The following SVIL variants were observed in gnomAD, a reference collection of about 807,000 sequenced individuals.
SVIL encodes the protein archvillin.
In SVIL, 101 loss-of-function variants were observed where a neutral mutation model predicts 240.4. The observed-to-expected ratio is 0.42, with a 90% CI of 0.36 to 0.50. The LOEUF is 0.50. SVIL is among the 20% of genes least tolerant of loss of function. The pLI, the probability that SVIL is intolerant of heterozygous loss-of-function variation, is 0.01. For synonymous variants in SVIL, 999 were observed against 1,100.0 expected (o/e 0.91, Z 1.82); for missense variants, 2,512 against 2,818.7 (o/e 0.89, Z 2.46).
At chr10:29,731,788 C>T (rs988209413) in intron 1 of SVIL, among the ~76,000 whole-genome samples, 1 of 152,172 alleles carries the variant, frequency 6.6e-6, no homozygotes, top group Non-Finnish European at 1.5e-5. Context: ...TTAACAAAGG[C>T]GCCTGTCTTT....
chr10:29,462,764 T>C (rs192140835), intron 35 of SVIL, among the ~76,000 whole-genome samples: 2 of 152,312 alleles, frequency 1.3e-5, no homozygotes, highest in Admixed American at 1.3e-4. Context: ...TTAACTCCCA[T>C]AATGACTGAC....
rs866394868 is a variant in SVIL at position 29,524,595 on chromosome 10, C to A, written c.2463G>T (p.Leu821Phe). Residue 821 changes from leucine (L) to phenylalanine (F), a missense_variant, in exon 14 of 38, where the codon TTG becomes TTT. This residue lies in a region of SVIL where 1,443 missense variants were observed against 1,486.6 expected (regional missense o/e 0.97). Coordinates refer to ENST00000355867, the MANE Select transcript of SVIL (RefSeq NM_021738.3). Reference protein sequence around the residue: ...STLSLAEKLALFNKLSQPVSK... With the variant: ...STLSLAEKLAFFNKLSQPVSK... ...AGACTGGCTGGGACAATTTGTTAAA[C>A]AAGGCCAACTTTTCGGCCAAGCTTA... 1.9e-6 allele frequency: 3 copies of A among 1,614,042 alleles called. No homozygotes were observed. In the African/African-American group the frequency reaches 4.0e-5, roughly 22 times the overall value.
chr10:29,540,144 T>C (rs1370134134), intron 6 of SVIL, among the ~76,000 whole-genome samples: 1 of 152,184 alleles, frequency 6.6e-6, no homozygotes, highest in Non-Finnish European at 1.5e-5. Context: ...GTAAGGCAGA[T>C]GAGTCATTCC....
chr10:29,531,714 C>T (rs1951380379), intron 9 of SVIL, among the ~76,000 whole-genome samples: 1 of 152,156 alleles, frequency 6.6e-6, no homozygotes, highest in Non-Finnish European at 1.5e-5. Flanking sequence ...TCTAATTTAA[C>T]AAGGGGTAAA....
At chr10:29,505,333 A>C (rs1047957155) in intron 17 of SVIL, among the ~76,000 whole-genome samples, 2 of 151,796 alleles carry the variant, frequency 1.3e-5, no homozygotes, top group Admixed American at 6.6e-5. Context: ...CTCAAAAATA[A>C]TAATAATAAT....
chr10:29,735,546 C>T lies in SVIL; in HGVS notation c.-400+205G>A, dbSNP rs1000963023. ...GACCCCGCGGGCCGAGCGCAGCGCC[C>T]CGTCGCAGCGGCCCGGGCACCCGCC... On this transcript the variant is annotated intron_variant, in intron 1 of 35. Coordinates refer to the SVIL transcript ENST00000375400. This position sits in a 1 kb window ranked among gnomAD's most constrained non-coding sequence, Gnocchi z 4.1. 6.7e-6 allele frequency among the ~76,000 whole-genome samples: 1 copy of T among 150,336 alleles called. No homozygotes were observed. Among genetic ancestry groups the T allele is most frequent in the Non-Finnish European group, 1.5e-5 (1 of 67,312 alleles).
rs565001817 is a variant in SVIL, at chr10:29,674,755, C to T, written c.-301+11798G>A. 2.0e-5 allele frequency among the ~76,000 whole-genome samples: 3 copies of T among 152,252 alleles called. No individual in the cohort carries two copies. The East Asian group carries it at 5.8e-4, about 29-fold the overall frequency. On this transcript the variant is annotated intron_variant, in intron 2 of 35. Coordinates refer to the SVIL transcript ENST00000375400. ...GCTACAAGTCAAGGTGTTGGCAGGG[C>T]CTCATTTCTGCTGGAGGCTCTCAAG...
chr10:29,480,021 A>G (rs1349575627), intron 29 of SVIL, among the ~76,000 whole-genome samples: 3 of 152,086 alleles, frequency 2.0e-5, no homozygotes, highest in Non-Finnish European at 4.4e-5. Flanking sequence ...TGCATTTACT[A>G]CACCAGACCC....
At chr10:29,559,230 G>A (rs2132678869) in intron 3 of SVIL, among the ~76,000 whole-genome samples, 1 of 152,020 alleles carries the variant, frequency 6.6e-6, no homozygotes, top group African/African-American at 2.4e-5. Flanking sequence ...TGTAATATCA[G>A]ACGTACAGAA....
chr10:29,547,384 C>T (rs1019740468), intron 6 of SVIL, among the ~76,000 whole-genome samples: 9 of 151,054 alleles, frequency 6.0e-5, no homozygotes, highest in African/African-American at 2.2e-4. Context: ...GAATTGTATA[C>T]CTTTAATGGC....
chr10:29,476,926 G>A (rs1305777112), intron 29 of SVIL, among the ~76,000 whole-genome samples: 1 of 152,116 alleles, frequency 6.6e-6, no homozygotes, highest in African/African-American at 2.4e-5. Context: ...GCAGTGACAT[G>A]ATCTTGGCTC....
chr10:29,568,435 G>A (rs560094980), intron 2 of SVIL, among the ~76,000 whole-genome samples: 1 of 152,080 alleles, frequency 6.6e-6, no homozygotes, highest in Middle Eastern at 3.4e-3. Context: ...AGGCACAAGA[G>A]CAACTGTGTG....
rs1948298912 is a variant in SVIL, at chr10:29,494,987, T to C, written c.3768A>G (p.Arg1256=). The C allele has an allele frequency of 6.2e-7, 1 of 1,613,674 alleles. No individual in the cohort carries two copies. Among genetic ancestry groups the C allele is most frequent in the African/African-American group, 1.3e-5 (1 of 74,692 alleles). ...VSKPLEDIEA[R]PDMQLESDLK... ...GGTCCGATTCTAACTGCATATCTGGTCTGGCTTCGATATCTAGGCAAGCAG... is the reference window on the plus strand; with the variant it reads ...GGTCCGATTCTAACTGCATATCTGGCCTGGCTTCGATATCTAGGCAAGCAG... The change falls in exon 20 of 38, where the codon AGA becomes AGG. Residue 1256 remains arginine, a synonymous_variant. Transcript: ENST00000355867.
At chr10:29,490,574 C>A (rs1222176267) in intron 22 of SVIL, among the ~76,000 whole-genome samples, 6 of 131,130 alleles carry the variant, frequency 4.6e-5, no homozygotes, top group African/African-American at 1.9e-4. Context: ...TATGATGAAA[C>A]CCCCAGTCTT....
intron 6 of SVIL, among the ~76,000 whole-genome samples, chr10:29,543,122 G>A (rs1355244711): frequency 6.6e-6 from 1 of 152,226 alleles, no homozygotes; most frequent in African/African-American, 2.4e-5. Context: ...TGCTAAGCAA[G>A]TGGGAGTTAT....
chr10:29,650,410 T>C (rs2133008647), intron 3 of SVIL, among the ~76,000 whole-genome samples: 1 of 152,304 alleles, frequency 6.6e-6, no homozygotes, highest in East Asian at 1.9e-4. Context: ...AGTTACCACT[T>C]TGCCTTTCAG....
intron 6 of SVIL, among the ~76,000 whole-genome samples, chr10:29,538,602 C>T (rs1381319163): frequency 1.3e-5 from 2 of 152,214 alleles, no homozygotes; most frequent in Non-Finnish European, 2.9e-5. Flanking sequence ...GCCGCCGCTC[C>T]CAGATCGCCA....
chr10:29,626,388 C>T (rs563839283), intron 1 of SVIL, among the ~76,000 whole-genome samples: 4 of 151,992 alleles, frequency 2.6e-5, no homozygotes, highest in Non-Finnish European at 5.9e-5. Flanking sequence ...ATTTTGTTTC[C>T]CACCGCTCTT....
intron 3 of SVIL, among the ~76,000 whole-genome samples, chr10:29,656,394 A>G (rs1358215490): frequency 6.6e-6 from 1 of 151,764 alleles, no homozygotes; most frequent in Non-Finnish European, 1.5e-5. Flanking sequence ...TTCTCCATTC[A>G]TGCAACCACA....
Sources: allele counts gnomAD v4.1 joint callset (sites outside exome capture counted in the v4.1 genomes callset), GRCh38; gene constraint gnomAD v4.1.1; regional missense constraint gnomAD v4.1.1; non-coding constraint Gnocchi (gnomAD v3.1); transcripts MANE v1.5; gene names NCBI Gene and HGNC (gene_info 2026-07-23, HGNC 2026-07-21).